The following PRSS55 variants were observed in gnomAD, a reference collection of about 807,000 sequenced individuals.
The protein encoded by PRSS55 is probable serine protease UNQ9391/PRO34284.
Under a neutral mutation model 23.6 loss-of-function variants are expected in PRSS55, and 41 were observed. That is an observed-to-expected ratio of 1.74 (90% CI 1.35 to 2.26). The LOEUF (loss-of-function observed/expected upper bound fraction) is 2.26, where lower values mean the gene tolerates loss of function less well. Ranked by LOEUF, PRSS55 falls within the 30% of genes most tolerant of loss-of-function variation. PRSS55 has a pLI of 0.00. For missense variants in PRSS55, 669 were observed against 439.1 expected (o/e 1.52, Z -4.68); for synonymous variants, 262 against 175.5 (o/e 1.49, Z -3.90).
rs1278823313 is a variant in PRSS55, at chr8:10,532,981, T to C, written c.674T>C (p.Met225Thr). 1 of 1,614,184 alleles carries C rather than the reference T, an allele frequency of 6.2e-7. No individual in the cohort carries two copies. Among genetic ancestry groups the C allele is most frequent in the East Asian group, 2.2e-5 (1 of 44,874 alleles). The change falls in exon 4 of 5, where the codon ATG (methionine) becomes ACG (threonine). Residue 225 changes from methionine (M) to threonine (T), a missense_variant. Met to Thr is a moderately conservative substitution (Grantham distance 81). Transcript: ENST00000328655. ...ATGGACTGGGAGGAGTGTTCAAAGATGTTTCCAAAACTTACCAAAAATATG... is the reference window on the plus strand; with the variant it reads ...ATGGACTGGGAGGAGTGTTCAAAGACGTTTCCAAAACTTACCAAAAATATG... ...VIMDWEECSK[M>T]FPKLTKNMLC... is the part of the protein sequence containing the mutation.
Position 10,538,772 on chromosome 8 carries a change from G to T in PRSS55, c.1038G>T (p.Leu346Phe). Residue 346 changes from leucine (L) to phenylalanine (F), a missense_variant, in exon 5 of 5, where the codon TTG becomes TTT. Transcript: ENST00000328655. ...TGCTCTGTCCCCTGTCCCATGTGTT[G>T]TTCAGAGCTATTTTGTACTGATAAT... ...WLLLCPLSHV[L>F]FRAILY The T allele has an allele frequency of 6.3e-7, 1 of 1,588,576 alleles. No homozygotes were observed. Among genetic ancestry groups the T allele is most frequent in the Non-Finnish European group, 8.5e-7 (1 of 1,170,016 alleles).
intron 4 of PRSS55, among the ~76,000 whole-genome samples, chr8:10,550,362 C>T (rs537864682): frequency 2.1e-4 from 32 of 152,304 alleles, no homozygotes; most frequent in African/African-American, 7.2e-4. Context: ...AAGGAAGGGG[C>T]CGAGCCTATG....
chr8:10,534,134 A>AC (rs1812372512), intron 4 of PRSS55, among the ~76,000 whole-genome samples: 2 of 150,792 alleles, frequency 1.3e-5, no homozygotes, highest in East Asian at 1.9e-4. Flanking sequence ...AACAAAAAAA[A>AC]CAAAAAAACA....
intron 4 of PRSS55, among the ~76,000 whole-genome samples, chr8:10,549,667 C>T (rs1226298866): frequency 6.6e-6 from 1 of 152,208 alleles, no homozygotes; most frequent in African/African-American, 2.4e-5. Flanking sequence ...CAGGCAGGGG[C>T]TTCCTGACGT....
downstream of PRSS55, chr8:10,540,819 T>C (rs1370033944): frequency 6.6e-6 from 1 of 152,288 alleles, no homozygotes; most frequent in African/African-American, 2.4e-5. Flanking sequence ...AGCCATTTTT[T>C]CAGAAGCTCC....
At chr8:10,538,970 C>A, downstream of PRSS55, 1 of 199,726 alleles carries the variant, frequency 5.0e-6, no homozygotes, top group Non-Finnish European at 8.9e-6. Flanking sequence ...GTGGATTAGT[C>A]AGGACTTTTT....
downstream of PRSS55, among the ~76,000 whole-genome samples, chr8:10,539,500 G>C (rs1369974777): frequency 6.6e-6 from 1 of 152,176 alleles, no homozygotes; most frequent in African/African-American, 2.4e-5. Context: ...CATGTTTCCT[G>C]AGGACCCCAC....
chr8:10,552,909 A>C (rs899171262), intron 4 of PRSS55, among the ~76,000 whole-genome samples: 2 of 152,250 alleles, frequency 1.3e-5, no homozygotes, highest in Non-Finnish European at 2.9e-5. Context: ...CTGCAATCCC[A>C]CTTCGGGGTA....
intron 1 of PRSS55, among the ~76,000 whole-genome samples, chr8:10,526,974 A>G (rs1812046552): frequency 6.6e-6 from 1 of 152,176 alleles, no homozygotes; most frequent in South Asian, 2.1e-4. Flanking sequence ...AGCACGTGCC[A>G]TGTTCTGCAT....
downstream of PRSS55, among the ~76,000 whole-genome samples, chr8:10,542,419 GAAAA>G (rs1554584731): frequency 7.5e-6 from 1 of 133,502 alleles, no homozygotes; most frequent in African/African-American, 3.1e-5. Context: ...CCATGCGGGG[GAAAA>G]AAAAAAAAAA....
chr8:10,550,363 C>T (rs1585898065), intron 4 of PRSS55, among the ~76,000 whole-genome samples: 1 of 152,154 alleles, frequency 6.6e-6, no homozygotes, highest in Non-Finnish European at 1.5e-5. Context: ...AGGAAGGGGC[C>T]GAGCCTATGG....
intron 4 of PRSS55, among the ~76,000 whole-genome samples, chr8:10,543,870 A>G (rs12674734): frequency 0.35 from 52,780 of 152,012 alleles, 9,184 homozygotes; most frequent in Admixed American, 0.39. Flanking sequence ...ATTTAATTCC[A>G]CTGAGGTTGG....
At chr8:10,525,850 C>T in intron 1 of PRSS55, 111 bp downstream of exon 1, 1 of 1,131,548 alleles carries the variant, frequency 8.8e-7, no homozygotes, top group Non-Finnish European at 1.2e-6. Context: ...TCCCCACATA[C>T]CCCTTCTCCA....
intron 3 of PRSS55, 43 bp from the exon 4 acceptor site, chr8:10,532,863 T>C: frequency 6.2e-7 from 1 of 1,612,136 alleles, no homozygotes; most frequent in Non-Finnish European, 8.5e-7. Flanking sequence ...CGTGGGGACA[T>C]GAGGCCCAGT....
chr8:10,538,666 G>T lies in PRSS55; in HGVS notation c.932G>T (p.Arg311Met). 2 of 1,614,170 alleles carry T rather than the reference G, an allele frequency of 1.2e-6. No individual in the cohort carries two copies. Among genetic ancestry groups the T allele is most frequent in the Non-Finnish European group, 8.5e-7 (1 of 1,180,028 alleles). ...GGCAGGCCCTTCAATGCAGAGAAAAGGAGGACTTCTGTCAAACAGAAACCT... is the reference window on the plus strand; with the variant it reads ...GGCAGGCCCTTCAATGCAGAGAAAATGAGGACTTCTGTCAAACAGAAACCT... ...LEGRPFNAEK[R>M]RTSVKQKPMG... Residue 311 changes from arginine to methionine, a missense_variant, in exon 5 of 5, where the codon AGG (arginine) becomes ATG (methionine). Physicochemically the swap from Arg to Met is moderately conservative, Grantham distance 91. Transcript: ENST00000328655.
chr8:10,535,010 G>C (rs1273853491), intron 4 of PRSS55, among the ~76,000 whole-genome samples: 1 of 152,096 alleles, frequency 6.6e-6, no homozygotes, highest in Non-Finnish European at 1.5e-5. Context: ...CAGACAATCA[G>C]GGAGGTGAAA....
intron 2 of PRSS55, among the ~76,000 whole-genome samples, chr8:10,530,104 T>A (rs1276953580): frequency 6.6e-6 from 1 of 152,236 alleles, no homozygotes; most frequent in African/African-American, 2.4e-5. Context: ...GAGCGTTCTC[T>A]GTGTGACAGC....
At chr8:10,537,697 C>T (rs952343516) in intron 4 of PRSS55, among the ~76,000 whole-genome samples, 5 of 152,130 alleles carry the variant, frequency 3.3e-5, no homozygotes, top group Admixed American at 1.3e-4. Flanking sequence ...TATATCAAAA[C>T]GTGTACCTCA....
chr8:10,544,632 G>C (rs376854418), intron 4 of PRSS55, among the ~76,000 whole-genome samples: 6 of 152,180 alleles, frequency 3.9e-5, no homozygotes, highest in South Asian at 4.2e-4. Context: ...ATATTTTCTA[G>C]TGTAGCATTT....
Sources: allele counts gnomAD v4.1 joint callset (sites outside exome capture counted in the v4.1 genomes callset), GRCh38; gene constraint gnomAD v4.1.1; transcripts MANE v1.5; gene names NCBI Gene and HGNC (gene_info 2026-07-23, HGNC 2026-07-21).